CBFA2T2: variants seen among roughly 807,000 people sequenced by gnomAD.
CBFA2T2 encodes protein CBFA2T2.
In CBFA2T2, 11 loss-of-function variants were observed where a neutral mutation model predicts 62.2. The ratio of observed to expected loss-of-function variants is 0.18; its 90% confidence interval spans 0.11 to 0.29. The LOEUF is 0.29. Among genes scored for constraint, CBFA2T2 ranks in the 10% least tolerant of loss-of-function variants. CBFA2T2 has a pLI of 1.00. For synonymous variants in CBFA2T2, 295 were observed against 287.5 expected (o/e 1.03, Z -0.27); for missense variants, 592 against 774.1 (o/e 0.76, Z 2.79).
At chr20:33,600,182 G>GTTTTTTTTTTTTTTTTTTTTTTTTT (rs1183371343) in intron 1 of CBFA2T2, among the ~76,000 whole-genome samples, 1 of 62,048 alleles carries the variant, frequency 1.6e-5, no homozygotes, top group Non-Finnish European at 3.1e-5. Context: ...CTTTTGGAAA[G>GTTTTTTTTTTTTTTTTTTTTTTTTT]TTTTTTTTTT....
intron 1 of CBFA2T2, among the ~76,000 whole-genome samples, chr20:33,515,424 A>G (rs1002831005): frequency 2.6e-5 from 4 of 151,490 alleles, no homozygotes; most frequent in Admixed American, 2.6e-4. Flanking sequence ...TTGGCCAAAT[A>G]GTGGTATCCT....
At chr20:33,598,052 G>A (rs1037464104) in intron 1 of CBFA2T2, among the ~76,000 whole-genome samples, 7 of 152,100 alleles carry the variant, frequency 4.6e-5, no homozygotes, top group Admixed American at 1.3e-4. Context: ...GGGAGTGTGC[G>A]AATACGTGTG....
At chr20:33,642,693 TTTCTC>T (rs2016901694) in intron 10 of CBFA2T2, among the ~76,000 whole-genome samples, 2 of 152,294 alleles carry the variant, frequency 1.3e-5, no homozygotes, top group Non-Finnish European at 2.9e-5. Flanking sequence ...GAGATATCTG[TTTCTC>T]TTCTCTATGT....
At chr20:33,618,289 T>C (rs553739668) in intron 3 of CBFA2T2, among the ~76,000 whole-genome samples, 1 of 152,332 alleles carries the variant, frequency 6.6e-6, no homozygotes, top group East Asian at 1.9e-4. Context: ...CTAGAAATGT[T>C]ATAGCTCTTT....
intron 1 of CBFA2T2, among the ~76,000 whole-genome samples, chr20:33,521,154 G>T (rs949070141): frequency 6.6e-6 from 1 of 152,082 alleles, no homozygotes. Flanking sequence ...CAACTAGGAA[G>T]AAATTCTTAT....
rs576434212 is a variant in CBFA2T2 at position 33,642,105 on chromosome 20, C to CTTTT, written c.1488+1583_1488+1586dup. On this transcript the variant is annotated intron_variant, in intron 10 of 10. Transcript: ENST00000342704. ...TTTTCGTTCTCTCCTCCTCCTTTGT[C>CTTTT]TTTTTTTTTTTTGTGTGTGTGTGTG... Among the ~76,000 whole-genome samples, 309 of 73,938 alleles carry CTTTT rather than the reference C, an allele frequency of 4.2e-3. 3 individuals are homozygous for CTTTT. Among genetic ancestry groups the CTTTT allele is most frequent in the African/African-American group, 5.2e-3 (108 of 20,596 alleles). 48.5% of individuals were successfully genotyped at this position (73,938 alleles called of 152,430 possible). A position where few individuals can be genotyped will look rare whatever the true frequency, so the allele number is the denominator to read the frequency against.
At chr20:33,626,761 T>TG (rs1568863005) in intron 6 of CBFA2T2, among the ~76,000 whole-genome samples, 1 of 152,176 alleles carries the variant, frequency 6.6e-6, no homozygotes, top group African/African-American at 2.4e-5. Context: ...TTGGCCACAG[T>TG]GGGGCCCCTG....
At chr20:33,491,999 C>T (rs2889768) in intron 1 of CBFA2T2, among the ~76,000 whole-genome samples, 84,534 of 151,660 alleles carry the variant, frequency 0.56, 25,281 homozygotes, top group South Asian at 0.69. Flanking sequence ...TCTCCTGCAT[C>T]AGCCTCCAGA....
At chr20:33,534,162 G>C (rs1568804722) in intron 1 of CBFA2T2, among the ~76,000 whole-genome samples, 1 of 152,060 alleles carries the variant, frequency 6.6e-6, no homozygotes, top group African/African-American at 2.4e-5. Flanking sequence ...ACATAGGAAT[G>C]GTGTGGTTGC....
At chr20:33,625,360 G>C (rs201093136) in intron 6 of CBFA2T2, among the ~76,000 whole-genome samples, 1 of 152,084 alleles carries the variant, frequency 6.6e-6, no homozygotes, top group African/African-American at 2.4e-5. Context: ...GGTGGCATGC[G>C]CCTGTGGTCC....
intron 1 of CBFA2T2, among the ~76,000 whole-genome samples, chr20:33,572,218 A>C (rs906243977): frequency 3.3e-5 from 5 of 152,206 alleles, no homozygotes; most frequent in African/African-American, 1.2e-4. Flanking sequence ...TAATGTTAAT[A>C]ATTTTGGTAA....
At chr20:33,575,230 T>G (rs1200368064) in intron 1 of CBFA2T2, among the ~76,000 whole-genome samples, 2 of 152,238 alleles carry the variant, frequency 1.3e-5, no homozygotes, top group Admixed American at 1.3e-4. Flanking sequence ...TAGTCAACAG[T>G]AGGTGAAGCA....
At chr20:33,573,956 A>ATTT (rs79244534) in intron 1 of CBFA2T2, 157 of 331,270 alleles carry the variant, frequency 4.7e-4, no homozygotes, top group South Asian at 9.0e-4. Flanking sequence ...AATTTTTCTT[A>ATTT]TTTTTTTTTT....
intron 3 of CBFA2T2, among the ~76,000 whole-genome samples, chr20:33,612,942 C>T (rs1275362128): frequency 1.3e-5 from 2 of 152,110 alleles, no homozygotes; most frequent in African/African-American, 2.4e-5. Flanking sequence ...TAAAAGTTAG[C>T]TGAGTGTGGT....
chr20:33,528,054 G>A (rs2011938291), intron 1 of CBFA2T2, among the ~76,000 whole-genome samples: 1 of 151,824 alleles, frequency 6.6e-6, no homozygotes, highest in Non-Finnish European at 1.5e-5. Context: ...TCTTTTTGTA[G>A]AGACAAGGCC....
At position 33,623,260 on chromosome 20, in the gene CBFA2T2, A is replaced by C. The variant is rs1236855486; in HGVS notation, c.656A>C (p.Glu219Ala). 1.2e-6 allele frequency: 2 copies of C among 1,614,164 alleles called. No individual in the cohort carries two copies. The highest frequency in any genetic ancestry group is 2.2e-5 in the South Asian group (2 of 91,090). The change falls in exon 5 of 11, where the codon GAG (glutamate) becomes GCG (alanine). Residue 219 changes from glutamate to alanine, a missense_variant. Transcript: ENST00000342704. Reference protein sequence around the residue: ...SPADSSELLMEVHGNGKRPSP... With the variant: ...SPADSSELLMAVHGNGKRPSP... ...GCTGACTCGTCAGAGTTGCTCATGG[A>C]GGTGCACGGAAATGGGAAGAGGCCC...
intron 2 of CBFA2T2, among the ~76,000 whole-genome samples, chr20:33,609,581 C>G (rs538604182): frequency 6.6e-6 from 1 of 152,042 alleles, no homozygotes; most frequent in Non-Finnish European, 1.5e-5. Context: ...TACCTTCAAG[C>G]GGAGCAACAG....
chr20:33,620,033 T>G (rs1388985319), intron 4 of CBFA2T2, among the ~76,000 whole-genome samples: 1 of 152,190 alleles, frequency 6.6e-6, no homozygotes, highest in Non-Finnish European at 1.5e-5. Flanking sequence ...CAGGAGACGA[T>G]GTAGGAAGAC....
At chr20:33,613,632 C>T (rs1172267122) in intron 3 of CBFA2T2, among the ~76,000 whole-genome samples, 1 of 152,214 alleles carries the variant, frequency 6.6e-6, no homozygotes, top group Non-Finnish European at 1.5e-5. Flanking sequence ...AAATTTTACC[C>T]TCTTAGAAGG....
Sources: gnomAD v4.1 joint callset for allele counts (sites outside exome capture counted in the v4.1 genomes callset) on GRCh38, gnomAD v4.1.1 for gene constraint, MANE v1.5 for transcripts, NCBI Gene and HGNC (gene_info 2026-07-23, HGNC 2026-07-21) for gene names.